Variants in POLK observed in about 807,000 individuals in gnomAD.
POLK encodes DNA polymerase kappa.
POLK carries 76 observed loss-of-function variants against 94.0 expected under a neutral mutation model. The observed-to-expected ratio is 0.81, with a 90% CI of 0.67 to 0.98. POLK has a LOEUF of 0.98. Among genes scored for constraint, POLK ranks in the 50% least tolerant of loss-of-function variants. The pLI is 0.00. For missense variants in POLK, 954 were observed against 1,010.1 expected, an observed-to-expected ratio of 0.94 and a Z score of 0.75; for synonymous variants, 349 against 325.4, an observed-to-expected ratio of 1.07 and a Z score of -0.78.
chr5:75,585,418 T>G (rs1772417318), intron 9 of POLK, among the ~76,000 whole-genome samples: 1 of 152,236 alleles, frequency 6.6e-6, no homozygotes, highest in African/African-American at 2.4e-5. Context: ...GACAAATTCC[T>G]GCCCTCATGG....
intron 8 of POLK, 51 bp downstream of exon 8, chr5:75,583,468 A>C (rs1772308451): frequency 8.1e-7 from 1 of 1,227,438 alleles, no homozygotes; most frequent in Non-Finnish European, 1.2e-6. Context: ...AATTCTGAAG[A>C]GATACTGTGT....
intron 1 of POLK, among the ~76,000 whole-genome samples, chr5:75,541,429 T>A (rs1257813569): frequency 6.6e-6 from 1 of 152,358 alleles, no homozygotes; most frequent in South Asian, 2.1e-4. Context: ...CCACTTATTG[T>A]TCTATAAGAA....
At chr5:75,596,077 TATA>T (rs2112892938) in intron 12 of POLK, 142 bp from the exon 13 acceptor site, 2 of 589,136 alleles carry the variant, frequency 3.4e-6, no homozygotes, top group South Asian at 4.8e-5. Context: ...AATCTGTACT[TATA>T]ATACCAGCTT....
At chr5:75,564,954 G>A (rs1222020602) in intron 3 of POLK, among the ~76,000 whole-genome samples, 1 of 152,100 alleles carries the variant, frequency 6.6e-6, no homozygotes, top group Non-Finnish European at 1.5e-5. Context: ...AAGTTCTCCT[G>A]GATAATATCC....
upstream of POLK, chr5:75,511,057 T>C (rs1767953745): frequency 6.8e-7 from 1 of 1,470,960 alleles, no homozygotes; most frequent in Admixed American, 2.7e-5. Context: ...CTCAGCGGAT[T>C]GCCTCGCTGC....
intron 2 of POLK, among the ~76,000 whole-genome samples, chr5:75,548,445 T>A (rs939858748): frequency 1.3e-5 from 2 of 150,592 alleles, no homozygotes; most frequent in Non-Finnish European, 3.0e-5. Context: ...TTTTACCACT[T>A]TTTTGTTTCA....
chr5:75,564,317 G>A (rs1381083255), intron 3 of POLK, among the ~76,000 whole-genome samples: 1 of 150,978 alleles, frequency 6.6e-6, no homozygotes, highest in Admixed American at 6.6e-5. Flanking sequence ...GAGCCGTTGT[G>A]TGTCTTTGCA....
rs373115655 is a variant in POLK at position 75,553,350 on chromosome 5, A to G, written c.255+759A>G. ...TCTGATCCAATGTTAACAGAGCTCTATAGTCTATAAGGTAACAATAAAATT... is the reference window on the plus strand; with the variant it reads ...TCTGATCCAATGTTAACAGAGCTCTGTAGTCTATAAGGTAACAATAAAATT... On this transcript the variant is annotated intron_variant, in intron 3 of 14. Transcript: ENST00000241436. 5.8e-4 allele frequency among the ~76,000 whole-genome samples: 88 copies of G among 152,312 alleles called. 1 individual carries two copies. The highest frequency in any genetic ancestry group is 1.9e-3 in the African/African-American group (79 of 41,574).
At chr5:75,550,347 G>A (rs572533848) in intron 2 of POLK, among the ~76,000 whole-genome samples, 2 of 151,798 alleles carry the variant, frequency 1.3e-5, no homozygotes, top group African/African-American at 4.9e-5. Flanking sequence ...GGGAGGCTGA[G>A]GTGGGTGGAT....
exon 15 of POLK, chr5:75,601,139 C>CA (rs1247205281): frequency 6.6e-6 from 1 of 152,008 alleles, no homozygotes; most frequent in Non-Finnish European, 1.5e-5. Context: ...AAAAAAATGG[C>CA]AAAAACTGCT....
chr5:75,552,534 TATG>T (rs1307126155), exon 3 of POLK: 2 of 1,612,628 alleles, frequency 1.2e-6, no homozygotes, highest in South Asian at 2.2e-5. Flanking sequence ...GAATTGAAAA[TATG>T]ATGCAACAAA....
downstream of POLK, among the ~76,000 whole-genome samples, chr5:75,605,332 A>T (rs1397315750): frequency 6.6e-6 from 1 of 152,076 alleles, no homozygotes; most frequent in Admixed American, 6.6e-5. Flanking sequence ...CATCTTGTGC[A>T]TTTTTGTAGA....
intron 1 of POLK, among the ~76,000 whole-genome samples, chr5:75,542,599 G>A (rs969556807): frequency 6.7e-6 from 1 of 149,806 alleles, no homozygotes; most frequent in Non-Finnish European, 1.5e-5. Flanking sequence ...GTGTGTGTGT[G>A]TATATACACA....
chr5:75,597,934 G>A, exon 15 of POLK: 1 of 1,462,756 alleles, frequency 6.8e-7, no homozygotes, highest in African/African-American at 1.4e-5. Context: ...TTCATTCTAG[G>A]CCAGGATTGA....
At chr5:75,607,816 AT>A in the POLK span, among the ~76,000 whole-genome samples, 1 of 152,214 alleles carries the variant, frequency 6.6e-6, no homozygotes, top group South Asian at 2.1e-4. Context: ...GGACATAAAG[AT>A]TATTAAGACA....
At chr5:75,587,005 A>AC in intron 9 of POLK, 21 bp from the exon 10 acceptor site, 2 of 1,527,762 alleles carry the variant, frequency 1.3e-6, no homozygotes, top group Non-Finnish European at 1.8e-6. Context: ...AAAAATAAAG[A>AC]CCTTTTTTTT....
At chr5:75,569,298 T>A in intron 3 of POLK, 42 bp from the exon 4 acceptor site, 1 of 1,392,378 alleles carries the variant, frequency 7.2e-7, no homozygotes, top group Non-Finnish European at 1.0e-6. Flanking sequence ...TGTTTCAATA[T>A]TATGTTGTCT....
chr5:75,567,904 T>C (rs1011468162), intron 3 of POLK, among the ~76,000 whole-genome samples: 1 of 152,178 alleles, frequency 6.6e-6, no homozygotes, highest in African/African-American at 2.4e-5. Flanking sequence ...GATTTCACTG[T>C]ACCTCCTGTA....
At chr5:75,569,893 T>C (rs1251346748) in intron 4 of POLK, among the ~76,000 whole-genome samples, 6 of 152,182 alleles carry the variant, frequency 3.9e-5, no homozygotes, top group Non-Finnish European at 7.3e-5. Context: ...GGTTACATAC[T>C]CATTATGAGA....
Sources: allele counts gnomAD v4.1 joint callset (sites outside exome capture counted in the v4.1 genomes callset), GRCh38; gene constraint gnomAD v4.1.1; transcripts MANE v1.5; gene names NCBI Gene and HGNC (gene_info 2026-07-23, HGNC 2026-07-21).